The following ARHGAP42 variants were observed in gnomAD, a reference collection of about 807,000 sequenced individuals.
The protein encoded by ARHGAP42 is Rho GTPase activating protein 42.
A neutral mutation model predicts 125.0 loss-of-function variants in ARHGAP42; 63 were observed. The ratio of observed to expected loss-of-function variants is 0.50; its 90% confidence interval spans 0.41 to 0.62. ARHGAP42 has a LOEUF of 0.62. Among genes scored for constraint, ARHGAP42 ranks in the 20% least tolerant of loss-of-function variants. The probability of loss-of-function intolerance (pLI) is 0.00; values close to 1 mark genes in which losing one functional copy is unlikely to be tolerated. For missense variants in ARHGAP42, 766 were observed against 1,024.2 expected (o/e 0.75, Z 3.44); for synonymous variants, 339 against 351.0 (o/e 0.97, Z 0.38).
At chr11:100,740,229 A>T (rs1288760973) in intron 1 of ARHGAP42, among the ~76,000 whole-genome samples, 1 of 152,138 alleles carries the variant, frequency 6.6e-6, no homozygotes, top group African/African-American at 2.4e-5. Context: ...TAAAACTTTT[A>T]AAAAAGACCT....
At chr11:100,743,851 A>G (rs1194645308) in intron 1 of ARHGAP42, among the ~76,000 whole-genome samples, 1 of 152,208 alleles carries the variant, frequency 6.6e-6, no homozygotes, top group Non-Finnish European at 1.5e-5. Context: ...TCTTTCATCT[A>G]CTTGTTCTAG....
At chr11:100,689,784 A>G (rs940456018) in intron 1 of ARHGAP42, among the ~76,000 whole-genome samples, 2 of 152,196 alleles carry the variant, frequency 1.3e-5, no homozygotes, top group African/African-American at 4.8e-5. Flanking sequence ...TGTGAAAAGG[A>G]AAAGATTTTA....
At chr11:100,913,910 TA>T (rs1447582758) in intron 5 of ARHGAP42, among the ~76,000 whole-genome samples, 1 of 152,178 alleles carries the variant, frequency 6.6e-6, no homozygotes, top group Non-Finnish European at 1.5e-5. Context: ...GTGGGAAAGA[TA>T]GATACACAGC....
intron 3 of ARHGAP42, among the ~76,000 whole-genome samples, chr11:100,811,112 C>G (rs914582405): frequency 6.6e-6 from 1 of 152,074 alleles, no homozygotes; most frequent in Non-Finnish European, 1.5e-5. Context: ...TGCGCCACCA[C>G]GCCCAGCTAA....
intron 1 of ARHGAP42, among the ~76,000 whole-genome samples, chr11:100,749,505 C>T (rs1329634343): frequency 6.6e-6 from 1 of 152,034 alleles, no homozygotes; most frequent in Non-Finnish European, 1.5e-5. Flanking sequence ...GAAGGCTCAA[C>T]CCCTCAAACC....
intron 16 of ARHGAP42, among the ~76,000 whole-genome samples, chr11:100,964,746 C>G (rs756787399): frequency 6.6e-6 from 1 of 152,278 alleles, no homozygotes; most frequent in East Asian, 1.9e-4. Flanking sequence ...TTACATTTTA[C>G]ATTTACCGTT....
chr11:100,841,711 T>TG (rs1256197889), intron 3 of ARHGAP42, among the ~76,000 whole-genome samples: 1 of 152,176 alleles, frequency 6.6e-6, no homozygotes, highest in Non-Finnish European at 1.5e-5. Flanking sequence ...CATTGGCACT[T>TG]GCTCTTCTCT....
intron 1 of ARHGAP42, among the ~76,000 whole-genome samples, chr11:100,770,075 C>T: frequency 6.6e-6 from 1 of 152,148 alleles, no homozygotes; most frequent in Non-Finnish European, 1.5e-5. Context: ...AGATAATACA[C>T]ATCTGCCACC....
chr11:100,718,457 T>G (rs1029859208), intron 1 of ARHGAP42, among the ~76,000 whole-genome samples: 1 of 152,190 alleles, frequency 6.6e-6, no homozygotes, highest in African/African-American at 2.4e-5. Context: ...TGGAGGAGTA[T>G]AGCTTGGTTG....
At chr11:100,743,808 T>A (rs1419547526) in intron 1 of ARHGAP42, among the ~76,000 whole-genome samples, 1 of 152,218 alleles carries the variant, frequency 6.6e-6, no homozygotes, top group Admixed American at 6.5e-5. Context: ...TTTGAAAGTC[T>A]TCTCTTCGAG....
At chr11:100,774,135 T>C (rs1375900397) in intron 2 of ARHGAP42, among the ~76,000 whole-genome samples, 2 of 152,150 alleles carry the variant, frequency 1.3e-5, no homozygotes. Context: ...ATAAATTATG[T>C]AGATAATAAA....
intron 2 of ARHGAP42, among the ~76,000 whole-genome samples, chr11:100,788,477 G>A (rs979673825): frequency 2.6e-5 from 4 of 152,166 alleles, no homozygotes; most frequent in Non-Finnish European, 5.9e-5. Context: ...GCCAGTATTC[G>A]TCAGTAGGGC....
At chr11:100,922,199 C>T (rs906104544) in intron 6 of ARHGAP42, among the ~76,000 whole-genome samples, 9 of 152,284 alleles carry the variant, frequency 5.9e-5, no homozygotes, top group Admixed American at 2.0e-4. Context: ...GGAAAACCAA[C>T]GGCTCTGTTT....
intron 12 of ARHGAP42, among the ~76,000 whole-genome samples, chr11:100,954,839 A>G (rs1169523367): frequency 6.6e-6 from 1 of 152,156 alleles, no homozygotes; most frequent in African/African-American, 2.4e-5. Context: ...GGTATCATGA[A>G]CACTGATAAA....
At chr11:100,694,033 G>C (rs761856836) in intron 1 of ARHGAP42, among the ~76,000 whole-genome samples, 32 of 152,026 alleles carry the variant, frequency 2.1e-4, no homozygotes, top group Non-Finnish European at 4.6e-4. Context: ...CCCGGTTCAA[G>C]CAATTCTCAT....
chr11:100,972,248 G>GACTT (rs2135315107), intron 17 of ARHGAP42, among the ~76,000 whole-genome samples: 1 of 152,280 alleles, frequency 6.6e-6, no homozygotes, highest in South Asian at 2.1e-4. Flanking sequence ...CTAATAACCT[G>GACTT]ACTTGGAGTA....
At chr11:100,819,374 G>A (rs903548256) in intron 3 of ARHGAP42, among the ~76,000 whole-genome samples, 1 of 152,090 alleles carries the variant, frequency 6.6e-6, no homozygotes, top group African/African-American at 2.4e-5. Context: ...AATAGAAATG[G>A]CAGGGATAAT....
chr11:100,711,305 A>G (rs1000190076), intron 1 of ARHGAP42, among the ~76,000 whole-genome samples: 4 of 152,120 alleles, frequency 2.6e-5, no homozygotes, highest in Non-Finnish European at 5.9e-5. Context: ...AGTCTCTTAT[A>G]GGTCCTTTAC....
chr11:100,838,720 A>G lies in ARHGAP42; in HGVS notation c.313-20834A>G, dbSNP rs543860328. On this transcript the variant is annotated intron_variant, in intron 3 of 23. Transcript: ENST00000298815. The stretch of plus-strand genomic sequence containing the variant: ...AAACAAAACAAAATAAAACAAAAAC[A>G]CCAAGAAAAAAAAAATCATAGTGTT... 4.4e-5 allele frequency among the ~76,000 whole-genome samples: 6 copies of G among 136,420 alleles called. No individual in the cohort carries two copies. The Admixed American group carries it at 4.4e-4, about 10-fold the overall frequency. The allele number at this position is 136,420 out of a possible 152,430, so 89.5% of individuals were successfully genotyped here. A position where few individuals can be genotyped will look rare whatever the true frequency, so the allele number is the denominator to read the frequency against.
Sources: allele counts gnomAD v4.1 joint callset (sites outside exome capture counted in the v4.1 genomes callset), GRCh38; gene constraint gnomAD v4.1.1; transcripts MANE v1.5; gene names NCBI Gene and HGNC (gene_info 2026-07-23, HGNC 2026-07-21).